Variants in TONSL observed in about 807,000 individuals in gnomAD.
TONSL encodes tonsoku like, DNA repair protein, also known as tonsoku-like protein.
In TONSL, 112 loss-of-function variants were observed where a neutral mutation model predicts 147.1. The ratio of observed to expected loss-of-function variants is 0.76; its 90% confidence interval spans 0.65 to 0.89. TONSL has a LOEUF of 0.89. Ranked by LOEUF, TONSL falls within the 40% of genes least tolerant of loss-of-function variation. The pLI is 0.00. For synonymous variants in TONSL, 868 were observed against 801.5 expected (o/e 1.08, Z -1.40); for missense variants, 1,883 against 1,864.6 (o/e 1.01, Z -0.18).
intron 11 of TONSL, among the ~76,000 whole-genome samples, chr8:144,439,377 G>A (rs1823613101): frequency 6.6e-6 from 1 of 152,068 alleles, no homozygotes; most frequent in African/African-American, 2.4e-5. Context: ...AACCTGGCAA[G>A]GCCCCAACTT....
chr8:144,444,357 G>A, intron 1 of TONSL, 33 bp downstream of exon 1: 1 of 1,284,148 alleles, frequency 7.8e-7, no homozygotes, highest in Non-Finnish European at 9.9e-7. Flanking sequence ...CAGCCTCCGC[G>A]CCCCCGGAGG....
Position 144,443,128 on chromosome 8 carries a change from G to C in TONSL, c.448+10C>G. The C allele has an allele frequency of 6.5e-7, 1 of 1,549,158 alleles. No homozygotes were observed. Among genetic ancestry groups the C allele is most frequent in the Non-Finnish European group, 8.7e-7 (1 of 1,145,910 alleles). ...TTCAGGAGGCAGAAAACGCGGAGGG[G>C]TCTGCCCACCCTCCAGCTCCTCATC... On this transcript the variant is annotated intron_variant, in intron 4 of 25. Coordinates refer to ENST00000409379, the MANE Select transcript of TONSL (RefSeq NM_013432.5).
chr8:144,429,144 C>T lies in TONSL; in HGVS notation c.4136G>A (p.Ter1379=), dbSNP rs1424410004. The T allele has an allele frequency of 1.3e-6, 2 of 1,528,194 alleles. No individual in the cohort carries two copies. Among genetic ancestry groups the T allele is most frequent in the African/African-American group, 1.4e-5 (1 of 72,116 alleles). The allele number at this position is 1,528,194 out of a possible 1,614,324, so 94.7% of individuals were successfully genotyped here. ...GGGTGGGGAAAGGCAGCGCCAGGGT[C>T]AGAGGCGCCGAAAGAAGAGCTTGGA... The part of the protein sequence containing the change: ...HGSKLFFRRL[*] Residue 1379 remains the stop codon, a stop_retained_variant, in exon 26 of 26, where the codon TGA becomes TAA. Coordinates refer to ENST00000409379, the MANE Select transcript of TONSL (RefSeq NM_013432.5).
chr8:144,435,465 A>T lies in TONSL; in HGVS notation c.2852+9T>A. ...GGTGGGCTGCGGGGTAGGGCAGGCG[A>T]TGCCTCACCTGTGTGGGACAGGGAT... is the stretch of plus-strand genomic sequence containing the variant. On this transcript the variant is annotated intron_variant, in intron 18 of 25. Coordinates refer to ENST00000409379, the MANE Select transcript of TONSL (RefSeq NM_013432.5). The T allele has an allele frequency of 6.5e-7, 1 of 1,538,678 alleles. No individual in the cohort carries two copies. Among genetic ancestry groups the T allele is most frequent in the Non-Finnish European group, 8.8e-7 (1 of 1,139,230 alleles).
At chr8:144,441,985 G>C (rs1823736316) in intron 7 of TONSL, 52 bp downstream of exon 7, 1 of 1,544,766 alleles carries the variant, frequency 6.5e-7, no homozygotes, top group Non-Finnish European at 8.9e-7. Context: ...CCCGCCCCCA[G>C]GCTCACCCCT....
chr8:144,435,537 G>C lies in TONSL; in HGVS notation c.2789C>G (p.Pro930Arg), dbSNP rs1412292222. The part of the protein sequence containing the change: ...AAGQPLGPAP[P>R]PPIRVRVQVQ... ...TTGAACTCGAACCCGGATGGGAGGGGGCGGGGCCGGACCCTGGCAGGTGAA... is the reference window on the plus strand; with the variant it reads ...TTGAACTCGAACCCGGATGGGAGGGCGCGGGGCCGGACCCTGGCAGGTGAA... The change falls in exon 18 of 26, where the codon CCC becomes CGC. Residue 930 changes from proline (P) to arginine (R), a missense_variant. Coordinates refer to ENST00000409379, the MANE Select transcript of TONSL (RefSeq NM_013432.5). 7.7e-6 allele frequency: 12 copies of C among 1,551,470 alleles called. No individual in the cohort carries two copies. The highest frequency in any genetic ancestry group is 1.0e-5 in the Non-Finnish European group (12 of 1,147,138).
chr8:144,442,807 C>T lies in TONSL; in HGVS notation c.449-1G>A. ...TTCAGCTCTCCCTGGGCCAGTGTCC[C>T]TGGAAGATACCCCCCCAAACACTCA... On this transcript the variant is annotated splice_acceptor_variant, in intron 4 of 25. Transcript: ENST00000409379. LOFTEE classifies it high-confidence loss of function. 1 of 1,609,836 alleles carries T rather than the reference C, an allele frequency of 6.2e-7. No homozygotes were observed. The highest frequency in any genetic ancestry group is 8.5e-7 in the Non-Finnish European group (1 of 1,178,162).
chr8:144,441,115 C>T lies in TONSL; in HGVS notation c.866-4G>A. ...TGCAGCCGGACCACTGCCAGCACTGCCGGGAAGAGGTTCATGCAGGGGGGC... is the reference window on the plus strand; with the variant it reads ...TGCAGCCGGACCACTGCCAGCACTGTCGGGAAGAGGTTCATGCAGGGGGGC... On this transcript the variant is annotated splice_polypyrimidine_tract_variant and splice_region_variant and intron_variant, in intron 7 of 25. Transcript: ENST00000409379. 6.2e-7 allele frequency: 1 copy of T among 1,612,502 alleles called. No homozygotes were observed. Among genetic ancestry groups the T allele is most frequent in the Non-Finnish European group, 8.5e-7 (1 of 1,179,804 alleles).
chr8:144,432,581 G>T (rs538016408), intron 22 of TONSL, 121 bp from the exon 23 acceptor site: 2 of 1,013,690 alleles, frequency 2.0e-6, no homozygotes, highest in East Asian at 3.0e-5. Context: ...CTCGCAGGGT[G>T]GGGTGGCAAG....
At position 144,428,792 on chromosome 8, in the gene TONSL, A is replaced by ATT. The variant is rs1233741504; in HGVS notation, c.*349_*350dup. On this transcript the variant is annotated 3_prime_UTR_variant, in exon 26 of 26. Coordinates refer to ENST00000409379, the MANE Select transcript of TONSL (RefSeq NM_013432.5). ...GGGAGGCAGCAGCTTCATTTATTTTATTTTTTTTTTTTTTTGAGACGGAGT... is the reference window on the plus strand; with the variant it reads ...GGGAGGCAGCAGCTTCATTTATTTTATTTTTTTTTTTTTTTTTGAGACGGAGT... 13 of 116,752 alleles carry ATT rather than the reference A, an allele frequency of 1.1e-4. No individual in the cohort carries two copies. Among genetic ancestry groups the ATT allele is most frequent in the South Asian group, 2.3e-4 (1 of 4,400 alleles). 7.2% of individuals were successfully genotyped at this position (116,752 alleles called of 1,614,324 possible).
chr8:144,440,089 G>GCCTCCTCCT lies in TONSL; in HGVS notation c.1403_1411dup (p.Glu468_Glu470dup), dbSNP rs745438969. 2 of 1,605,098 alleles carry GCCTCCTCCT rather than the reference G, an allele frequency of 1.2e-6. No individual in the cohort carries two copies. The highest frequency in any genetic ancestry group is 8.5e-7 in the Non-Finnish European group (1 of 1,173,642). The stretch of plus-strand genomic sequence containing the variant: ...CTCCGCTGTGGCTGCCGCCTCCTCC[G>GCCTCCTCCT]CCTCCTCCTCCTCATCTTCATCTTC... On this transcript the variant is annotated inframe_insertion, in exon 11 of 26. Coordinates refer to ENST00000409379, the MANE Select transcript of TONSL (RefSeq NM_013432.5).
chr8:144,443,560 G>C (rs1201600571), intron 3 of TONSL, among the ~76,000 whole-genome samples: 1 of 148,944 alleles, frequency 6.7e-6, no homozygotes, highest in East Asian at 1.9e-4. Flanking sequence ...CTGGGAGTTG[G>C]CGGGGGGGTT....
intron 23 of TONSL, among the ~76,000 whole-genome samples, 164 bp from the exon 24 acceptor site, chr8:144,431,315 C>T (rs550669081): frequency 5.9e-5 from 9 of 152,226 alleles, no homozygotes; most frequent in African/African-American, 2.2e-4. Flanking sequence ...ACACTCTGCA[C>T]GTGATAGTGT....
intron 13 of TONSL, 188 bp downstream of exon 13, chr8:144,438,283 C>T (rs1022850421): frequency 3.2e-6 from 2 of 621,038 alleles, no homozygotes; most frequent in African/African-American, 1.8e-5. Flanking sequence ...ACTCCTGCAG[C>T]CTCAATCTCC....
Position 144,440,152 on chromosome 8 carries a change from G to A in TONSL, c.1349C>T (p.Pro450Leu). The change falls in exon 11 of 26, where the codon CCT becomes CTT. Residue 450 changes from proline to leucine, a missense_variant. Coordinates refer to ENST00000409379, the MANE Select transcript of TONSL (RefSeq NM_013432.5). ...VQLRLQPQEA[P>L]ETETRLRELS... ...CTCCCGTAGTCTGGTTTCGGTCTCA[G>A]GGGCCTCCTGGGGCTGCAGCCTCAG... 1 of 1,610,982 alleles carries A rather than the reference G, an allele frequency of 6.2e-7. No individual in the cohort carries two copies. Among genetic ancestry groups the A allele is most frequent in the Admixed American group, 1.7e-5 (1 of 59,334 alleles).
At chr8:144,437,160 G>A (rs1246743929) in intron 13 of TONSL, 61 bp from the exon 14 acceptor site, 21 of 1,540,718 alleles carry the variant, frequency 1.4e-5, no homozygotes, top group South Asian at 2.3e-5. Flanking sequence ...CCCCAGCCCC[G>A]TGAGCTCTGC....
chr8:144,435,956 G>T lies in TONSL; in HGVS notation c.2477C>A (p.Pro826Gln), dbSNP rs556857006. 18 of 1,561,648 alleles carry T rather than the reference G, an allele frequency of 1.2e-5. No homozygotes were observed. Among genetic ancestry groups the T allele is most frequent in the Non-Finnish European group, 1.6e-5 (18 of 1,153,164 alleles). The change falls in exon 17 of 26, where the codon CCG becomes CAG. Residue 826 changes from proline (P) to glutamine (Q), a missense_variant. Coordinates refer to ENST00000409379, the MANE Select transcript of TONSL (RefSeq NM_013432.5). ...GTCCCCGGCCAGGCACTCCTCCTCC[G>T]GGATGAGCGCTGCCTGGGGGGCAAG... ...KALAPQAALIPEEECLAGDWL... is the reference protein window; with the variant it reads ...KALAPQAALIQEEECLAGDWL...
At position 144,443,172 on chromosome 8, in the gene TONSL, C is replaced by G; in HGVS notation, c.414G>C (p.Glu138Asp). 1 of 1,550,712 alleles carries G rather than the reference C, an allele frequency of 6.4e-7. No homozygotes were observed. ...DALLQAQAAF[E>D]KSLAIVDEEL... ...CCTCATCCACAATAGCCAAGCTCTTCTCAAAGGCAGCCTGTGCCTGCAGCA... is the reference window on the plus strand; with the variant it reads ...CCTCATCCACAATAGCCAAGCTCTTGTCAAAGGCAGCCTGTGCCTGCAGCA... The change falls in exon 4 of 26, where the codon GAG becomes GAC. Residue 138 changes from glutamate to aspartate, a missense_variant. Glu to Asp is a conservative substitution (Grantham distance 45). Transcript: ENST00000409379.
At chr8:144,437,443 T>A (rs1216372513) in intron 13 of TONSL, among the ~76,000 whole-genome samples, 1 of 151,994 alleles carries the variant, frequency 6.6e-6, no homozygotes, top group African/African-American at 2.4e-5. Context: ...CTGACCAACT[T>A]AGCTGTAACA....
Sources: gnomAD v4.1 joint callset for allele counts (sites outside exome capture counted in the v4.1 genomes callset) on GRCh38, gnomAD v4.1.1 for gene constraint, MANE v1.5 for transcripts, NCBI Gene and HGNC (gene_info 2026-07-23, HGNC 2026-07-21) for gene names.